Variants in ZNF576 observed in about 807,000 individuals in gnomAD.
ZNF576 encodes the protein zinc finger protein 576.
ZNF576 carries 9 observed loss-of-function variants against 10.8 expected under a neutral mutation model. That is an observed-to-expected ratio of 0.84 (90% CI 0.50 to 1.46). The LOEUF is 1.46. Ranked by LOEUF, ZNF576 falls within the 40% of genes most tolerant of loss-of-function variation. The probability of loss-of-function intolerance (pLI) is 0.00; values close to 1 mark genes in which losing one functional copy is unlikely to be tolerated. For missense variants in ZNF576, 191 were observed against 233.7 expected (o/e 0.82, Z 1.19); for synonymous variants, 88 against 89.6 (o/e 0.98, Z 0.10).
chr19:43,600,410 T>C lies in ZNF576; in HGVS notation c.*1152T>C, dbSNP rs2146107152. ...GAGGGATGTTTTTAAAGCCCACAGGTGAGGTGGATGTGGTAGACTGATCAC... is the reference window on the plus strand; with the variant it reads ...GAGGGATGTTTTTAAAGCCCACAGGCGAGGTGGATGTGGTAGACTGATCAC... On this transcript the variant is annotated 3_prime_UTR_variant, in exon 3 of 3. Coordinates refer to ENST00000336564, the MANE Select transcript of ZNF576 (RefSeq NM_001145347.2). 6.6e-6 allele frequency: 1 copy of C among 152,356 alleles called. No individual in the cohort carries two copies. Among genetic ancestry groups the C allele is most frequent in the South Asian group, 2.1e-4 (1 of 4,832 alleles). 9.4% of individuals were successfully genotyped at this position (152,356 alleles called of 1,614,324 possible).
At chr19:43,598,714 G>A (rs1973175695) in intron 2 of ZNF576, 117 bp from the exon 3 acceptor site, 4 of 859,806 alleles carry the variant, frequency 4.7e-6, no homozygotes, top group Non-Finnish European at 7.3e-6. Flanking sequence ...TCCAGCATTA[G>A]CATAGAACCT....
At chr19:43,597,870 T>G (rs1340680900) in intron 2 of ZNF576, among the ~76,000 whole-genome samples, 1 of 152,184 alleles carries the variant, frequency 6.6e-6, no homozygotes, top group Non-Finnish European at 1.5e-5. Context: ...ACACCTGCAG[T>G]TGAACACGTT....
intron 2 of ZNF576, 186 bp downstream of exon 2, chr19:43,597,379 A>C (rs1600079825): frequency 1.7e-6 from 1 of 574,834 alleles, no homozygotes; most frequent in Non-Finnish European, 3.1e-6. Context: ...CAGAGTACTC[A>C]CCCTCCTCTG....
In ZNF576 at chr19:43,599,288, G is replaced by A; in HGVS notation, c.*30G>A. On this transcript the variant is annotated 3_prime_UTR_variant, in exon 3 of 3. Transcript: ENST00000336564. Reference sequence around the variant, plus strand: ...AGCTTAAGCCTCTCCACGGTGACGGGTGGCTCTGTGGCTGGTAGGACTCAC... The same window carrying A: ...AGCTTAAGCCTCTCCACGGTGACGGATGGCTCTGTGGCTGGTAGGACTCAC... 1.3e-6 allele frequency: 2 copies of A among 1,586,278 alleles called. No individual in the cohort carries two copies. The highest frequency in any genetic ancestry group is 8.6e-7 in the Non-Finnish European group (1 of 1,162,524).
intron 2 of ZNF576, 90 bp downstream of exon 2, chr19:43,597,283 C>T (rs1973157371): frequency 1.7e-6 from 2 of 1,211,736 alleles, no homozygotes; most frequent in Non-Finnish European, 2.4e-6. Flanking sequence ...CAAGGCGCCA[C>T]AGAGTTTTGC....
In ZNF576 at chr19:43,596,609, G is replaced by C. The variant is rs1176179374; in HGVS notation, c.-150G>C. 6.4e-6 allele frequency: 1 copy of C among 156,164 alleles called. No individual in the cohort carries two copies. Among genetic ancestry groups the C allele is most frequent in the Non-Finnish European group, 1.4e-5 (1 of 70,106 alleles). The allele number at this position is 156,164 out of a possible 1,614,324, so 9.7% of individuals were successfully genotyped here. ...CTGTAAGGAGGAAAACTGAGGCCTG[G>C]GAGCAGGAACCTGTAGGCAGCGCTT... On this transcript the variant is annotated 5_prime_UTR_variant, in exon 1 of 3. Transcript: ENST00000336564.
Position 43,599,490 on chromosome 19 carries a change from A to T in ZNF576, c.*232A>T, listed in dbSNP as rs1049757528. Reference sequence around the variant, plus strand: ...TCAGATAATAATGAGATCTTTTGTTAAAAAAAAAAAATGGGAAGGGAGTGC... The same window carrying T: ...TCAGATAATAATGAGATCTTTTGTTTAAAAAAAAAAATGGGAAGGGAGTGC... On this transcript the variant is annotated 3_prime_UTR_variant, in exon 3 of 3. Coordinates refer to ENST00000336564, the MANE Select transcript of ZNF576 (RefSeq NM_001145347.2). 1.1e-5 allele frequency: 2 copies of T among 174,212 alleles called. No individual in the cohort carries two copies. Among genetic ancestry groups the T allele is most frequent in the Non-Finnish European group, 2.2e-5 (2 of 91,564 alleles). 10.8% of individuals were successfully genotyped at this position (174,212 alleles called of 1,614,324 possible).
rs1600081777 is a variant in ZNF576, at chr19:43,600,339, A to G, written c.*1081A>G. On this transcript the variant is annotated 3_prime_UTR_variant, in exon 3 of 3. Transcript: ENST00000336564. ...AGTTACCTGCCCTGCACCTGCAGACAATGGTCGATGCCTTGCATATAATAC... is the reference window on the plus strand; with the variant it reads ...AGTTACCTGCCCTGCACCTGCAGACGATGGTCGATGCCTTGCATATAATAC... 1 of 152,388 alleles carries G rather than the reference A, an allele frequency of 6.6e-6. No individual in the cohort carries two copies. Among genetic ancestry groups the G allele is most frequent in the Non-Finnish European group, 1.5e-5 (1 of 68,052 alleles). The allele number at this position is 152,388 out of a possible 1,614,324, so 9.4% of individuals were successfully genotyped here. A position where few individuals can be genotyped will look rare whatever the true frequency, so the allele number is the denominator to read the frequency against.
intron 2 of ZNF576, 38 bp from the exon 3 acceptor site, chr19:43,598,793 C>T (rs780547289): frequency 3.0e-5 from 45 of 1,502,702 alleles, no homozygotes; most frequent in Non-Finnish European, 3.9e-5. Flanking sequence ...TTGGAGACTC[C>T]TGCTGGCCTC....
In ZNF576 at chr19:43,599,243, C is replaced by T. The variant is rs1397413161; in HGVS notation, c.498C>T (p.Ala166=). ...TGCATCAACACTACATTCGGCATGC[C>T]CGGGGGGAGCTCTGAGTGCAGCTTA... ...AGLHQHYIRH[A]RGEL Residue 166 remains alanine (A), a synonymous_variant, in exon 3 of 3, where the codon GCC becomes GCT. Coordinates refer to ENST00000336564, the MANE Select transcript of ZNF576 (RefSeq NM_001145347.2). 1 of 1,613,222 alleles carries T rather than the reference C, an allele frequency of 6.2e-7. No individual in the cohort carries two copies. Among genetic ancestry groups the T allele is most frequent in the Non-Finnish European group, 8.5e-7 (1 of 1,179,396 alleles).
chr19:43,600,980 G>A lies in ZNF576; in HGVS notation c.*1722G>A, dbSNP rs1431577322. The A allele has an allele frequency of 1.3e-5, 2 of 152,182 alleles. No homozygotes were observed. The highest frequency in any genetic ancestry group is 2.9e-5 in the Non-Finnish European group (2 of 68,040). 9.4% of individuals were successfully genotyped at this position (152,182 alleles called of 1,614,324 possible). A position where few individuals can be genotyped will look rare whatever the true frequency, so the allele number is the denominator to read the frequency against. The stretch of plus-strand genomic sequence containing the variant: ...ACAGAGCAACAAGATAGGAGCCTGG[G>A]TCTCTCGTCAATTTCAAGGAGCACA... On this transcript the variant is annotated 3_prime_UTR_variant, in exon 3 of 3. Coordinates refer to ENST00000336564, the MANE Select transcript of ZNF576 (RefSeq NM_001145347.2).
At chr19:43,597,461 G>A (rs1028051176) in intron 2 of ZNF576, 1 of 372,830 alleles carries the variant, frequency 2.7e-6, no homozygotes, top group Non-Finnish European at 5.1e-6. Context: ...GCTTGGGTTG[G>A]AGATGTGGCT....
intron 2 of ZNF576, 161 bp downstream of exon 2, chr19:43,597,354 A>C (rs1241514480): frequency 1.6e-6 from 1 of 631,628 alleles, no homozygotes; most frequent in Admixed American, 2.7e-5. Flanking sequence ...ATCTCCTCAC[A>C]CCAGCTTATG....
chr19:43,599,292 C>G lies in ZNF576; in HGVS notation c.*34C>G. 6.3e-7 allele frequency: 1 copy of G among 1,585,860 alleles called. No homozygotes were observed. Among genetic ancestry groups the G allele is most frequent in the Non-Finnish European group, 8.6e-7 (1 of 1,162,352 alleles). On this transcript the variant is annotated 3_prime_UTR_variant, in exon 3 of 3. Transcript: ENST00000336564. ...TAAGCCTCTCCACGGTGACGGGTGG[C>G]TCTGTGGCTGGTAGGACTCACCCAT...
At position 43,599,179 on chromosome 19, in the gene ZNF576, GCA is replaced by G. The variant is rs763542176; in HGVS notation, c.437_438del (p.Thr146ArgfsTer29). On this transcript the variant is annotated frameshift_variant, in exon 3 of 3. Transcript: ENST00000336564. LOFTEE classifies it high-confidence loss of function. ...CGTGCCCCTCCTGGCACCTTCGCCTGCACAGAGTGCGGTCAGGACTTTGCTCA... is the reference window on the plus strand; with the variant it reads ...CGTGCCCCTCCTGGCACCTTCGCCTGCAGAGTGCGGTCAGGACTTTGCTCA... The G allele has an allele frequency of 1.1e-5, 18 of 1,614,258 alleles. No individual in the cohort carries two copies. The highest frequency in any genetic ancestry group is 1.5e-5 in the Non-Finnish European group (18 of 1,180,038).
At position 43,597,098 on chromosome 19, in the gene ZNF576, G is replaced by A. The variant is rs1055878894; in HGVS notation, c.-11G>A. On this transcript the variant is annotated 5_prime_UTR_variant, in exon 2 of 3. Coordinates refer to ENST00000336564, the MANE Select transcript of ZNF576 (RefSeq NM_001145347.2). ...GCACGCTCCTCTCCTGACTAGAAGGGTCCCAGCACCATGGAGGACCCGAAC... is the reference window on the plus strand; with the variant it reads ...GCACGCTCCTCTCCTGACTAGAAGGATCCCAGCACCATGGAGGACCCGAAC... 6.2e-7 allele frequency: 1 copy of A among 1,613,964 alleles called. No individual in the cohort carries two copies. The highest frequency in any genetic ancestry group is 1.7e-5 in the Admixed American group (1 of 60,014).
At chr19:43,596,810 TC>T in intron 1 of ZNF576, 67 bp downstream of exon 1, 1 of 255,888 alleles carries the variant, frequency 3.9e-6, no homozygotes, top group Non-Finnish European at 7.7e-6. Flanking sequence ...GATCAAGGCT[TC>T]CACGCTGAGT....
At position 43,596,617 on chromosome 19, in the gene ZNF576, A is replaced by G. The variant is rs1156546528; in HGVS notation, c.-142A>G. On this transcript the variant is annotated 5_prime_UTR_variant, in exon 1 of 3. Coordinates refer to ENST00000336564, the MANE Select transcript of ZNF576 (RefSeq NM_001145347.2). ...AGGAAAACTGAGGCCTGGGAGCAGG[A>G]ACCTGTAGGCAGCGCTTGAGGGTAG... is the stretch of plus-strand genomic sequence containing the variant. 6.4e-6 allele frequency: 1 copy of G among 157,408 alleles called. No homozygotes were observed. The highest frequency in any genetic ancestry group is 2.4e-5 in the African/African-American group (1 of 41,486). The allele number at this position is 157,408 out of a possible 1,614,324, so 9.8% of individuals were successfully genotyped here. A position where few individuals can be genotyped will look rare whatever the true frequency, so the allele number is the denominator to read the frequency against.
rs1432638434 is a variant in ZNF576 at position 43,598,958 on chromosome 19, C to T, written c.213C>T (p.Phe71=). 13 of 1,614,138 alleles carry T rather than the reference C, an allele frequency of 8.1e-6. No homozygotes were observed. The highest frequency in any genetic ancestry group is 1.1e-5 in the Non-Finnish European group (13 of 1,179,972). The change falls in exon 3 of 3, where the codon TTC becomes TTT. Residue 71 remains phenylalanine, a synonymous_variant. Coordinates refer to ENST00000336564, the MANE Select transcript of ZNF576 (RefSeq NM_001145347.2). ...FVAQKLQGVL[F]ICFTCARSFP... is the part of the protein sequence containing the mutation. ...CCCAGAAGCTGCAGGGGGTCCTCTT[C>T]ATCTGCTTCACCTGCGCCCGCTCCT...
Sources: gnomAD v4.1 joint callset for allele counts (sites outside exome capture counted in the v4.1 genomes callset) on GRCh38, gnomAD v4.1.1 for gene constraint, MANE v1.5 for transcripts, NCBI Gene and HGNC (gene_info 2026-07-23, HGNC 2026-07-21) for gene names.